Variants in DNAAF4 observed in about 807,000 individuals in gnomAD.
DNAAF4 encodes dynein assembly factor 4, axonemal.
DNAAF4 carries 43 observed loss-of-function variants against 51.8 expected under a neutral mutation model. The ratio of observed to expected loss-of-function variants is 0.83; its 90% CI spans 0.65 to 1.07. The LOEUF (loss-of-function observed/expected upper bound fraction) is 1.07. DNAAF4 is among the 50% of genes least tolerant of loss of function. The pLI is 0.00. For missense variants in DNAAF4, 581 were observed against 493.0 expected, an observed-to-expected ratio of 1.18 and a Z score of -1.69; for synonymous variants, 194 against 165.6, an observed-to-expected ratio of 1.17 and a Z score of -1.32.
chr15:55,473,453 G>T (rs968654370), intron 4 of DNAAF4, among the ~76,000 whole-genome samples: 1 of 146,712 alleles, frequency 6.8e-6, no homozygotes, highest in Non-Finnish European at 1.5e-5. Context: ...CTTAACCTAG[G>T]AAAATATTAA....
chr15:55,460,748 C>CACA (rs1160372473), intron 5 of DNAAF4, among the ~76,000 whole-genome samples: 1 of 151,850 alleles, frequency 6.6e-6, no homozygotes, highest in Non-Finnish European at 1.5e-5. Context: ...AATGATAGAA[C>CACA]ACAAAACAAG....
intron 1 of DNAAF4, among the ~76,000 whole-genome samples, chr15:55,499,057 T>C (rs2058677636): frequency 6.6e-6 from 1 of 152,052 alleles, no homozygotes; most frequent in Admixed American, 6.6e-5. Context: ...ACGCCCTTGG[T>C]GCAGTGTCTT....
chr15:55,483,286 G>A (rs965026885), intron 4 of DNAAF4, among the ~76,000 whole-genome samples: 1 of 151,600 alleles, frequency 6.6e-6, no homozygotes, highest in African/African-American at 2.4e-5. Flanking sequence ...TAATAGTGAT[G>A]GGAATTCACC....
chr15:55,418,827 C>G, intron 7 of DNAAF4: 1 of 298,846 alleles, frequency 3.3e-6, no homozygotes, highest in Non-Finnish European at 6.1e-6. Context: ...ATTTTATTTA[C>G]TTATCTATTG....
chr15:55,485,867 C>A lies in DNAAF4; in HGVS notation c.405+5256G>T, dbSNP rs559278732. 4.6e-5 allele frequency among the ~76,000 whole-genome samples: 7 copies of A among 151,748 alleles called. No individual in the cohort carries two copies. In the East Asian group the frequency reaches 1.4e-3, roughly 30 times the overall value. ...AAAATTAGATGGGCGTGGTGGCGGG[C>A]ACCTGTAGTCGCAGCTACTCGGGAA... On this transcript the variant is annotated intron_variant, in intron 4 of 9. Coordinates refer to ENST00000321149, the MANE Select transcript of DNAAF4 (RefSeq NM_130810.4).
At chr15:55,489,139 C>T (rs2058534137) in intron 4 of DNAAF4, among the ~76,000 whole-genome samples, 1 of 151,792 alleles carries the variant, frequency 6.6e-6, no homozygotes, top group African/African-American at 2.4e-5. Flanking sequence ...AGTGGTGCTT[C>T]CTGCTGGTCA....
intron 1 of DNAAF4, among the ~76,000 whole-genome samples, chr15:55,501,133 G>C (rs1371560081): frequency 6.6e-6 from 1 of 151,026 alleles, no homozygotes; most frequent in South Asian, 2.1e-4. Context: ...GCGCGATCTC[G>C]GCTCACTGCA....
intron 6 of DNAAF4, among the ~76,000 whole-genome samples, chr15:55,449,589 G>C (rs1441726466): frequency 6.6e-6 from 1 of 150,968 alleles, no homozygotes; most frequent in African/African-American, 2.4e-5. Context: ...GTTTGAACCT[G>C]GGAGGAGGAG....
intron 5 of DNAAF4, 48 bp from the exon 6 acceptor site, chr15:55,450,415 G>A (rs2057914531): frequency 1.3e-6 from 2 of 1,578,264 alleles, no homozygotes; most frequent in Admixed American, 1.8e-5. Context: ...TCATTTTCTA[G>A]TTAACAATCA....
intron 7 of DNAAF4, among the ~76,000 whole-genome samples, chr15:55,422,866 G>A (rs1347510989): frequency 6.6e-6 from 1 of 152,036 alleles, no homozygotes; most frequent in Non-Finnish European, 1.5e-5. Context: ...GTGTGATGGT[G>A]GAAGCCTGTA....
chr15:55,501,402 G>C (rs1168934408), intron 1 of DNAAF4, among the ~76,000 whole-genome samples: 4 of 128,202 alleles, frequency 3.1e-5, no homozygotes, highest in Admixed American at 1.6e-4. Context: ...TTGAGGCGGA[G>C]TCTCGCTCTT....
At chr15:55,420,543 T>C (rs2057379905) in intron 7 of DNAAF4, among the ~76,000 whole-genome samples, 1 of 152,202 alleles carries the variant, frequency 6.6e-6, no homozygotes, top group Admixed American at 6.5e-5. Flanking sequence ...TAAAATTTGC[T>C]TGATGTAAGG....
chr15:55,486,707 C>A (rs760174764), intron 4 of DNAAF4, among the ~76,000 whole-genome samples: 52 of 151,946 alleles, frequency 3.4e-4, no homozygotes, highest in Non-Finnish European at 6.2e-4. Context: ...TCTCTCGAAC[C>A]TGCGAGGTCA....
intron 6 of DNAAF4, among the ~76,000 whole-genome samples, chr15:55,446,745 C>T (rs2057829504): frequency 6.7e-6 from 1 of 148,752 alleles, no homozygotes; most frequent in South Asian, 2.1e-4. Context: ...AGAGACACTC[C>T]TCACATCCCA....
chr15:55,497,562 T>C, intron 3 of DNAAF4, 150 bp downstream of exon 3: 1 of 814,228 alleles, frequency 1.2e-6, no homozygotes, highest in Non-Finnish European at 1.8e-6. Context: ...ATCATGTCAC[T>C]GCACTCCAGC....
chr15:55,469,200 CA>C (rs1296620403), intron 4 of DNAAF4, among the ~76,000 whole-genome samples: 2 of 151,790 alleles, frequency 1.3e-5, no homozygotes, highest in Non-Finnish European at 1.5e-5. Flanking sequence ...GGCTTGGTGG[CA>C]GGCCCTTAAT....
At chr15:55,446,146 G>T (rs1178289143) in intron 6 of DNAAF4, among the ~76,000 whole-genome samples, 4 of 143,950 alleles carry the variant, frequency 2.8e-5, no homozygotes, top group African/African-American at 1.0e-4. Context: ...CTTCCCAGAT[G>T]CGGCAGCCGG....
At chr15:55,489,471 C>T (rs942529655) in intron 4 of DNAAF4, among the ~76,000 whole-genome samples, 3 of 151,966 alleles carry the variant, frequency 2.0e-5, no homozygotes, top group Non-Finnish European at 1.5e-5. Context: ...GTCAGGAGCT[C>T]GACACCAACC....
At chr15:55,475,033 A>G (rs1226067225) in intron 4 of DNAAF4, among the ~76,000 whole-genome samples, 4 of 151,782 alleles carry the variant, frequency 2.6e-5, no homozygotes, top group African/African-American at 9.7e-5. Flanking sequence ...TGTGTGTTAA[A>G]TAATTTTGCT....
Sources: gnomAD v4.1 joint callset for allele counts (sites outside exome capture counted in the v4.1 genomes callset) on GRCh38, gnomAD v4.1.1 for gene constraint, MANE v1.5 for transcripts, NCBI Gene and HGNC (gene_info 2026-07-23, HGNC 2026-07-21) for gene names.